The following GULP1 variants were observed in gnomAD, a reference collection of about 807,000 sequenced individuals.
GULP1 encodes GULP PTB domain containing engulfment adaptor 1.
Under a neutral mutation model 40.9 loss-of-function variants are expected in GULP1, and 19 were observed. The observed-to-expected ratio is 0.46, with a 90% CI of 0.32 to 0.68. The LOEUF (loss-of-function observed/expected upper bound fraction) is 0.68, where lower values mean the gene tolerates loss of function less well. GULP1 is among the 30% of genes least tolerant of loss of function. The pLI, the probability that GULP1 is intolerant of heterozygous loss-of-function variation, is 0.03. For missense variants in GULP1, 312 were observed against 362.2 expected (o/e 0.86, Z 1.12); for synonymous variants, 119 against 117.6 (o/e 1.01, Z -0.08).
At chr2:188,301,398 C>T (rs775754058) in intron 1 of GULP1, among the ~76,000 whole-genome samples, 4 of 152,118 alleles carry the variant, frequency 2.6e-5, no homozygotes, top group Non-Finnish European at 5.9e-5. Flanking sequence ...CTCTTCTTTC[C>T]GTTTCTTGCA....
intron 1 of GULP1, among the ~76,000 whole-genome samples, chr2:188,382,472 A>G (rs1318396039): frequency 6.6e-6 from 1 of 152,062 alleles, no homozygotes; most frequent in East Asian, 1.9e-4. Context: ...CCCTGCTAAT[A>G]TTTCCTGGGA....
At chr2:188,564,138 T>A (rs1434195406) in intron 7 of GULP1, among the ~76,000 whole-genome samples, 2 of 151,882 alleles carry the variant, frequency 1.3e-5, no homozygotes, top group Non-Finnish European at 2.9e-5. Context: ...ACTTTAAAAG[T>A]TCTACAGGTA....
chr2:188,377,888 G>A (rs1432469944), intron 1 of GULP1, among the ~76,000 whole-genome samples: 1 of 152,090 alleles, frequency 6.6e-6, no homozygotes, highest in Non-Finnish European at 1.5e-5. Flanking sequence ...TAGGAAGATT[G>A]GGGTGAGGTT....
At chr2:188,389,861 AC>A (rs2152542151) in intron 2 of GULP1, among the ~76,000 whole-genome samples, 1 of 152,156 alleles carries the variant, frequency 6.6e-6, no homozygotes, top group African/African-American at 2.4e-5. Flanking sequence ...CCAAGCGAGA[AC>A]ATGTGGGATT....
intron 9 of GULP1, among the ~76,000 whole-genome samples, chr2:188,573,490 T>C (rs1472041073): frequency 6.6e-6 from 1 of 152,232 alleles, no homozygotes; most frequent in Admixed American, 6.5e-5. Context: ...TCTGTTAAGT[T>C]AGAAATGTTT....
intron 4 of GULP1, among the ~76,000 whole-genome samples, chr2:188,506,555 C>T (rs1278581140): frequency 6.6e-6 from 1 of 151,930 alleles, no homozygotes; most frequent in African/African-American, 2.4e-5. Flanking sequence ...ACTCCATTGT[C>T]TCATTAACTC....
chr2:188,578,348 C>T (rs1700568450), intron 9 of GULP1, among the ~76,000 whole-genome samples: 1 of 151,106 alleles, frequency 6.6e-6, no homozygotes, highest in Non-Finnish European at 1.5e-5. Flanking sequence ...CTAAATGCAC[C>T]AAGACACTAC....
chr2:188,558,860 T>G (rs1285805236), intron 7 of GULP1, among the ~76,000 whole-genome samples: 2 of 152,186 alleles, frequency 1.3e-5, no homozygotes, highest in East Asian at 1.9e-4. Context: ...TTGAGAGAGA[T>G]AATTTAGGGT....
chr2:188,494,317 C>T (rs1172743459), intron 4 of GULP1, among the ~76,000 whole-genome samples: 4 of 152,048 alleles, frequency 2.6e-5, no homozygotes, highest in African/African-American at 9.7e-5. Flanking sequence ...TATTTCTCCA[C>T]ATAGCTACTA....
rs562001445 is a variant in GULP1, at chr2:188,541,436, A to G, written c.399+118A>G. ...TAATTTTCTGTAAATTATTCTGTAA[A>G]AAGTCTGTAAATACTTAGCTGTACT... On this transcript the variant is annotated intron_variant, in intron 7 of 11. Coordinates refer to ENST00000409830, the MANE Select transcript of GULP1 (RefSeq NM_016315.4). 4.5e-6 allele frequency: 4 copies of G among 880,140 alleles called. No homozygotes were observed. The African/African-American group carries it at 5.0e-5, about 11-fold the overall frequency. The allele number at this position is 880,140 out of a possible 1,614,324, so 54.5% of individuals were successfully genotyped here. A position where few individuals can be genotyped will look rare whatever the true frequency, so the allele number is the denominator to read the frequency against.
intron 1 of GULP1, among the ~76,000 whole-genome samples, chr2:188,374,107 T>G (rs980890243): frequency 2.6e-5 from 4 of 152,100 alleles, no homozygotes; most frequent in African/African-American, 9.7e-5. Flanking sequence ...TAAAATCTAC[T>G]GAAGGCTCAT....
chr2:188,297,504 G>A, intron 1 of GULP1: 1 of 484,354 alleles, frequency 2.1e-6, no homozygotes, highest in Admixed American at 2.2e-5. Context: ...TCATCCACCA[G>A]TCCTCCAGGA....
intron 2 of GULP1, among the ~76,000 whole-genome samples, chr2:188,419,333 T>G: frequency 6.6e-6 from 1 of 152,026 alleles, no homozygotes; most frequent in East Asian, 1.9e-4. Flanking sequence ...TGTGTAAGAG[T>G]CCCAATTTCT....
rs1704207972 is a variant in GULP1 at position 188,594,889 on chromosome 2, ACTCTT to A, written c.*882_*886del. On this transcript the variant is annotated 3_prime_UTR_variant, in exon 12 of 12. Coordinates refer to ENST00000409830, the MANE Select transcript of GULP1 (RefSeq NM_016315.4). ...TATTTCTCCTCACTGCATAAGGACT[ACTCTT>A]CTCATATTTTCTTCTTTGATGAAGA... is the stretch of plus-strand genomic sequence containing the variant. The A allele has an allele frequency of 6.6e-6, 1 of 151,346 alleles. No homozygotes were observed. Among genetic ancestry groups the A allele is most frequent in the Non-Finnish European group, 1.5e-5 (1 of 67,674 alleles). The allele number at this position is 151,346 out of a possible 1,614,324, so 9.4% of individuals were successfully genotyped here.
chr2:188,320,926 AC>A (rs1386151505), intron 1 of GULP1, among the ~76,000 whole-genome samples: 1 of 151,334 alleles, frequency 6.6e-6, no homozygotes, highest in Non-Finnish European at 1.5e-5. Flanking sequence ...AAAAAAAAAA[AC>A]ACCTACAAAA....
At chr2:188,588,865 A>T (rs2153473002) in intron 11 of GULP1, 1 of 152,208 alleles carries the variant, frequency 6.6e-6, no homozygotes, top group South Asian at 2.1e-4. Context: ...GTTAATTTAA[A>T]TGCCCTTTTA....
intron 1 of GULP1, among the ~76,000 whole-genome samples, chr2:188,319,250 T>G (rs2039598882): frequency 6.6e-6 from 1 of 151,650 alleles, no homozygotes; most frequent in African/African-American, 2.4e-5. Context: ...GAATGCATTC[T>G]TATTATAAAA....
At chr2:188,452,222 T>G (rs1366158122) in intron 2 of GULP1, among the ~76,000 whole-genome samples, 1 of 152,122 alleles carries the variant, frequency 6.6e-6, no homozygotes, top group African/African-American at 2.4e-5. Flanking sequence ...GTGTTAAGAA[T>G]AATGAAAGGA....
intron 2 of GULP1, among the ~76,000 whole-genome samples, chr2:188,466,281 T>TG (rs1575436987): frequency 6.8e-6 from 1 of 146,230 alleles, no homozygotes; most frequent in African/African-American, 2.8e-5. Flanking sequence ...CCTCAGTGGC[T>TG]GGTTTTTTTT....
Sources: allele counts gnomAD v4.1 joint callset (sites outside exome capture counted in the v4.1 genomes callset), GRCh38; gene constraint gnomAD v4.1.1; transcripts MANE v1.5; gene names NCBI Gene and HGNC (gene_info 2026-07-23, HGNC 2026-07-21).